Variants in HDAC5 observed in about 807,000 individuals in gnomAD.
HDAC5 encodes antigen NY-CO-9.
A neutral mutation model predicts 133.3 loss-of-function variants in HDAC5; 25 were observed. The ratio of observed to expected loss-of-function variants is 0.19; its 90% confidence interval spans 0.14 to 0.26. HDAC5 has a LOEUF of 0.26. Ranked by LOEUF, HDAC5 falls within the 10% of genes least tolerant of loss-of-function variation. The pLI is 1.00. For synonymous variants in HDAC5, 589 were observed against 610.8 expected (o/e 0.96, Z 0.53); for missense variants, 1,041 against 1,460.5 (o/e 0.71, Z 4.68).
intron 14 of HDAC5, among the ~76,000 whole-genome samples, chr17:44,086,017 C>G (rs899386921): frequency 6.6e-6 from 1 of 152,140 alleles, no homozygotes. Flanking sequence ...CAGAAGCTTC[C>G]CTGCTCCTCA....
rs1249212952 is a variant in HDAC5, at chr17:44,092,089, C to A, written c.1032+83G>T. 3.2e-6 allele frequency: 4 copies of A among 1,259,266 alleles called. No individual in the cohort carries two copies. The East Asian group carries it at 7.1e-5, about 22-fold the overall frequency. 78.0% of individuals were successfully genotyped at this position (1,259,266 alleles called of 1,614,324 possible). The stretch of plus-strand genomic sequence containing the variant: ...GGTCTCTGCTGGGCACTCAGGCAGA[C>A]AGACTGGAAGGAGCTGCACTCTTTC... On this transcript the variant is annotated intron_variant, in intron 9 of 26. Coordinates refer to ENST00000682912, the MANE Select transcript of HDAC5 (RefSeq NM_005474.5).
intron 3 of HDAC5, among the ~76,000 whole-genome samples, chr17:44,096,502 T>C (rs2051282713): frequency 6.6e-6 from 1 of 151,238 alleles, no homozygotes; most frequent in Admixed American, 6.6e-5. Context: ...AGATGGAGTT[T>C]TGCTCTTGTC....
chr17:44,083,690 C>A (rs769901991), intron 17 of HDAC5, 38 bp from the exon 18 acceptor site: 3 of 1,590,380 alleles, frequency 1.9e-6, no homozygotes, highest in Middle Eastern at 1.7e-4. Flanking sequence ...GTGCCCCCTG[C>A]AGGGCAAGAA....
At chr17:44,111,072 AG>A in intron 2 of HDAC5, 2 of 495,932 alleles carry the variant, frequency 4.0e-6, no homozygotes, top group Non-Finnish European at 7.5e-6. Flanking sequence ...TCTGCTCTAG[AG>A]GGGCATCCGA....
At chr17:44,079,050 A>G in intron 24 of HDAC5, 94 bp downstream of exon 24, 2 of 1,546,694 alleles carry the variant, frequency 1.3e-6, no homozygotes, top group African/African-American at 2.7e-5. Context: ...AGGACCAAGG[A>G]AAAGCTTCCT....
chr17:44,080,165 C>T lies in HDAC5; in HGVS notation c.2886G>A (p.Gly962=). 6.2e-7 allele frequency: 1 copy of T among 1,614,158 alleles called. No homozygotes were observed. Among genetic ancestry groups the T allele is most frequent in the South Asian group, 1.1e-5 (1 of 91,090 alleles). ...ACAGATGTCCTTCAACAGCATCAAA[C>T]CCGGCGGAGACTAGGACCACATCAG... ...FSPDVVLVSA[G]FDAVEGHLSP... is the part of the protein sequence containing the mutation. The change falls in exon 23 of 27, where the codon GGG becomes GGA. Residue 962 remains glycine (G), a synonymous_variant. Transcript: ENST00000682912.
chr17:44,101,163 T>C (rs2143433360), intron 3 of HDAC5, among the ~76,000 whole-genome samples: 1 of 148,564 alleles, frequency 6.7e-6, no homozygotes, highest in African/African-American at 2.5e-5. Context: ...CCCAGCACTT[T>C]GGGAGGCTGA....
intron 1 of HDAC5, among the ~76,000 whole-genome samples, chr17:44,121,441 C>G (rs890387298): frequency 1.4e-5 from 2 of 140,146 alleles, no homozygotes; most frequent in Non-Finnish European, 3.1e-5. Context: ...CCCTTCCCCC[C>G]CCTACTGCCA....
intron 3 of HDAC5, among the ~76,000 whole-genome samples, chr17:44,107,643 C>T (rs1238091553): frequency 2.0e-5 from 3 of 149,700 alleles, no homozygotes; most frequent in Non-Finnish European, 4.4e-5. Flanking sequence ...AGGGAAAGTA[C>T]CTGATAGCCT....
intron 2 of HDAC5, chr17:44,111,530 G>A: frequency 4.1e-6 from 2 of 492,820 alleles, no homozygotes; most frequent in Admixed American, 2.1e-5. Flanking sequence ...AAGCAAGCCA[G>A]GGGATGGAGA....
Position 44,091,507 on chromosome 17 carries a change from G to A in HDAC5, c.1165-15C>T. 5 of 1,544,336 alleles carry A rather than the reference G, an allele frequency of 3.2e-6. No individual in the cohort carries two copies. ...TTCGGGGAGGCCTGGGGGGTGAAGG[G>A]AGGGGCTTATACAGCCTCAGTCCTG... On this transcript the variant is annotated splice_polypyrimidine_tract_variant and intron_variant, in intron 10 of 26. Coordinates refer to ENST00000682912, the MANE Select transcript of HDAC5 (RefSeq NM_005474.5).
chr17:44,107,092 A>C (rs1009345051), intron 3 of HDAC5, among the ~76,000 whole-genome samples: 32 of 151,958 alleles, frequency 2.1e-4, no homozygotes, highest in Admixed American at 3.9e-4. Context: ...CTACAGGTGC[A>C]TGCTACTGTG....
intron 14 of HDAC5, 95 bp downstream of exon 14, chr17:44,086,477 G>A: frequency 1.8e-6 from 2 of 1,105,562 alleles, no homozygotes; most frequent in Non-Finnish European, 2.3e-6. Flanking sequence ...GTGCCTAAGG[G>A]GCCCCAGCAG....
intron 13 of HDAC5, among the ~76,000 whole-genome samples, 170 bp downstream of exon 13, chr17:44,087,242 C>T (rs34646671): frequency 0.016 from 2,499 of 152,058 alleles, 79 homozygotes; most frequent in African/African-American, 0.057. Context: ...AAACAGCTCC[C>T]CCTTCTCCCC....
intron 2 of HDAC5, among the ~76,000 whole-genome samples, chr17:44,112,477 C>G (rs969129213): frequency 6.6e-5 from 10 of 152,122 alleles, no homozygotes; most frequent in South Asian, 2.1e-4. Flanking sequence ...TCCCCCTCCC[C>G]CTTCCTGATG....
At chr17:44,111,160 G>C (rs758501455) in intron 2 of HDAC5, 22 of 375,546 alleles carry the variant, frequency 5.9e-5, no homozygotes, top group Non-Finnish European at 9.4e-5. Flanking sequence ...TCAGCGGGCA[G>C]GCGGGCTCTG....
At position 44,085,008 on chromosome 17, in the gene HDAC5, A is replaced by AG. The variant is rs2050582665; in HGVS notation, c.2184+13dup. ...ATTTAAGTTGAGAGCCAGAAGAAGG[A>AG]GGGGCTCCCTTACCTCGCACTTGCT... On this transcript the variant is annotated intron_variant, in intron 15 of 26. Coordinates refer to ENST00000682912, the MANE Select transcript of HDAC5 (RefSeq NM_005474.5). 1 of 1,573,944 alleles carries AG rather than the reference A, an allele frequency of 6.4e-7. No homozygotes were observed. Among genetic ancestry groups the AG allele is most frequent in the African/African-American group, 1.4e-5 (1 of 73,986 alleles).
chr17:44,089,556 C>A (rs1050970219), intron 11 of HDAC5, among the ~76,000 whole-genome samples: 11 of 151,858 alleles, frequency 7.2e-5, no homozygotes, highest in African/African-American at 2.7e-4. Flanking sequence ...ACCAGCCTGG[C>A]CAACGTGGTG....
chr17:44,088,644 G>C (rs778992387), intron 11 of HDAC5, 46 bp from the exon 12 acceptor site: 1 of 1,584,864 alleles, frequency 6.3e-7, no homozygotes, highest in Admixed American at 1.7e-5. Flanking sequence ...CAGGGCACCT[G>C]ACTGCCCTCC....
Sources: allele counts gnomAD v4.1 joint callset (sites outside exome capture counted in the v4.1 genomes callset), GRCh38; gene constraint gnomAD v4.1.1; transcripts MANE v1.5; gene names NCBI Gene and HGNC (gene_info 2026-07-23, HGNC 2026-07-21).